The following TULP4 variants were observed in gnomAD, a reference collection of about 807,000 sequenced individuals.
TULP4 encodes tubby-related protein 4.
A neutral mutation model predicts 129.0 loss-of-function variants in TULP4; 16 were observed. The observed-to-expected ratio is 0.12, with a 90% confidence interval of 0.08 to 0.19. TULP4 has a LOEUF of 0.19. Among genes scored for constraint, TULP4 ranks in the 10% least tolerant of loss-of-function variants. The probability of loss-of-function intolerance (pLI) is 1.00; values close to 1 mark genes in which losing one functional copy is unlikely to be tolerated. For synonymous variants in TULP4, 998 were observed against 854.0 expected, an observed-to-expected ratio of 1.17 and a Z score of -2.94; for missense variants, 1,842 against 2,059.1, an observed-to-expected ratio of 0.89 and a Z score of 2.04.
At chr6:158,258,057 G>T (rs1778279771) in intron 1 of TULP4, among the ~76,000 whole-genome samples, 1 of 152,172 alleles carries the variant, frequency 6.6e-6, no homozygotes, top group African/African-American at 2.4e-5. Context: ...TTTCTATCTT[G>T]CCTCTTTCAA....
upstream of TULP4, chr6:158,312,380 A>G (rs1779375956): frequency 2.3e-5 from 8 of 352,522 alleles, no homozygotes; most frequent in Non-Finnish European, 4.0e-5. Flanking sequence ...AGAAAAAAAA[A>G]TTTGCGCAGA....
intron 10 of TULP4, among the ~76,000 whole-genome samples, 200 bp from the exon 11 acceptor site, chr6:158,494,553 T>TG (rs1247514843): frequency 6.6e-6 from 1 of 152,116 alleles, no homozygotes; most frequent in Non-Finnish European, 1.5e-5. Flanking sequence ...CCCAGCTCGA[T>TG]GCGCCCCCAC....
At chr6:158,321,594 C>A (rs1318644382) in intron 1 of TULP4, among the ~76,000 whole-genome samples, 1 of 152,140 alleles carries the variant, frequency 6.6e-6, no homozygotes, top group Non-Finnish European at 1.5e-5. Context: ...GTAGATGGCC[C>A]AAGACCAGCC....
intron 1 of TULP4, among the ~76,000 whole-genome samples, chr6:158,338,211 T>A (rs948729079): frequency 6.6e-6 from 1 of 152,142 alleles, no homozygotes; most frequent in African/African-American, 2.4e-5. Flanking sequence ...TGATCATAGC[T>A]CACTCCAGCC....
At chr6:158,281,711 T>C (rs1200987243), upstream of TULP4, among the ~76,000 whole-genome samples, 1 of 152,222 alleles carries the variant, frequency 6.6e-6, no homozygotes, top group Non-Finnish European at 1.5e-5. Flanking sequence ...CACATTAACC[T>C]AGCCCTTAAA....
Position 158,312,490 on chromosome 6 carries a change from T to C in TULP4, c.-1527T>C, listed in dbSNP as rs1779379375. ...AAACATTGCAGCGGCTCACACAGTG[T>C]TTGTTGCACTTTATTTTTCAGTGGG... On this transcript the variant is annotated 5_prime_UTR_variant, in exon 1 of 14. Coordinates refer to ENST00000367097, the MANE Select transcript of TULP4 (RefSeq NM_020245.5). 5.6e-6 allele frequency: 1 copy of C among 177,562 alleles called. No homozygotes were observed. The highest frequency in any genetic ancestry group is 2.4e-5 in the African/African-American group (1 of 42,536). 11.0% of individuals were successfully genotyped at this position (177,562 alleles called of 1,614,324 possible). A position where few individuals can be genotyped will look rare whatever the true frequency, so the allele number is the denominator to read the frequency against.
At chr6:158,495,849 A>G (rs540195658) in intron 11 of TULP4, among the ~76,000 whole-genome samples, 1 of 152,220 alleles carries the variant, frequency 6.6e-6, no homozygotes, top group African/African-American at 2.4e-5. Context: ...TCAAGAAAAA[A>G]AAAAAAAGAT....
Position 158,486,929 on chromosome 6 carries a change from G to A in TULP4, c.1487-2659G>A, listed in dbSNP as rs537080014. Among the ~76,000 whole-genome samples the A allele has an allele frequency of 1.8e-4, 28 of 152,132 alleles. No individual in the cohort carries two copies. In the South Asian group the frequency reaches 5.2e-3, roughly 28 times the overall value. Reference sequence around the variant, plus strand: ...AGTTCAAGACCAGCCTGGGCAACACGGTGAAACCCTGTCTCTACTAAAATA... The same window carrying A: ...AGTTCAAGACCAGCCTGGGCAACACAGTGAAACCCTGTCTCTACTAAAATA... On this transcript the variant is annotated intron_variant, in intron 8 of 13. Coordinates refer to ENST00000367097, the MANE Select transcript of TULP4 (RefSeq NM_020245.5).
At chr6:158,343,555 C>T (rs1467821537) in intron 1 of TULP4, among the ~76,000 whole-genome samples, 2 of 152,118 alleles carry the variant, frequency 1.3e-5, no homozygotes, top group Non-Finnish European at 2.9e-5. Flanking sequence ...AGCTCGCACC[C>T]TCTTTCCCTC....
chr6:158,363,789 G>GT lies in TULP4; in HGVS notation c.253-49266dup, dbSNP rs145945418. Among the ~76,000 whole-genome samples, 668 of 149,102 alleles carry GT rather than the reference G, an allele frequency of 4.5e-3. 4 individuals are homozygous for GT. Among genetic ancestry groups the GT allele is most frequent in the Non-Finnish European group, 6.6e-3 (439 of 67,006 alleles). ...CGTGAGCCACCGCGCAAGGCCGCGT[G>GT]TTTTTTTTTTCTTTTAATTAAGTGT... On this transcript the variant is annotated intron_variant, in intron 1 of 13. Coordinates refer to ENST00000367097, the MANE Select transcript of TULP4 (RefSeq NM_020245.5).
chr6:158,462,110 A>G (rs549531113), intron 6 of TULP4, among the ~76,000 whole-genome samples: 2 of 152,308 alleles, frequency 1.3e-5, no homozygotes, highest in East Asian at 3.9e-4. Flanking sequence ...CAAGAGAAAA[A>G]CAAACAGAAG....
Position 158,333,708 on chromosome 6 carries a change from A to C in TULP4, c.252+19440A>C, listed in dbSNP as rs370823775. ...AATTCACAGATGAGCTGCATAGCCT[A>C]GAAATATTGAAAAAATTAAGAAAAC... On this transcript the variant is annotated intron_variant, in intron 1 of 13. Transcript: ENST00000367097. 6.0e-4 allele frequency among the ~76,000 whole-genome samples: 91 copies of C among 152,354 alleles called. 1 individual carries two copies. Among genetic ancestry groups the C allele is most frequent in the African/African-American group, 1.9e-3 (80 of 41,592 alleles).
chr6:158,254,517 G>A (rs780624002), intron 1 of TULP4, among the ~76,000 whole-genome samples: 2 of 152,184 alleles, frequency 1.3e-5, no homozygotes, highest in Non-Finnish European at 2.9e-5. Context: ...AAGAGTGTTG[G>A]CCTTTTCTCC....
intron 1 of TULP4, among the ~76,000 whole-genome samples, chr6:158,294,474 A>T (rs1282270484): frequency 5.3e-5 from 8 of 152,192 alleles, no homozygotes; most frequent in Admixed American, 5.2e-4. Context: ...AGGGCAACGA[A>T]GGGAGGCCTG....
intron 1 of TULP4, among the ~76,000 whole-genome samples, chr6:158,276,983 A>G (rs540924025): frequency 1.3e-5 from 2 of 151,778 alleles, no homozygotes; most frequent in South Asian, 2.1e-4. Flanking sequence ...CCCGTTTCAC[A>G]GGCTTAAGTG....
intron 2 of TULP4, among the ~76,000 whole-genome samples, chr6:158,417,253 C>T (rs1486241020): frequency 6.6e-6 from 1 of 152,156 alleles, no homozygotes; most frequent in East Asian, 1.9e-4. Context: ...TGTGCAGTCA[C>T]CACCATCCAA....
rs748488700 is a variant in TULP4, at chr6:158,429,894, A to C, written c.540A>C (p.Gln180His). 1 of 1,613,832 alleles carries C rather than the reference A, an allele frequency of 6.2e-7. No homozygotes were observed. The highest frequency in any genetic ancestry group is 1.1e-5 in the South Asian group (1 of 91,016). The stretch of plus-strand genomic sequence containing the variant: ...GTGGCATATGGACTCCTGACGACCA[A>C]CAGGTAACACTTCTGAAATGTGGTG... ...ITCGIWTPDDQQVLFGTADGQ... is the reference protein window; with the variant it reads ...ITCGIWTPDDHQVLFGTADGQ... The change falls in exon 3 of 14, where the codon CAA (glutamine) becomes CAC (histidine). Residue 180 changes from glutamine to histidine, a missense_variant. By Grantham distance (24) the Gln-to-His change is conservative. Around this residue, in one of 5 missense-constraint regions of TULP4, gnomAD observed 151 missense variants for 268.7 expected, o/e 0.56. Transcript: ENST00000367097.
upstream of TULP4, among the ~76,000 whole-genome samples, chr6:158,307,769 A>G (rs774963271): frequency 1.3e-5 from 2 of 152,078 alleles, no homozygotes; most frequent in African/African-American, 4.8e-5. Flanking sequence ...TGGATCTTTT[A>G]CTCAAGTATA....
intron 6 of TULP4, among the ~76,000 whole-genome samples, chr6:158,465,290 A>G (rs1779529309): frequency 6.6e-6 from 1 of 152,232 alleles, no homozygotes; most frequent in Non-Finnish European, 1.5e-5. Flanking sequence ...TTCACTTAGC[A>G]TAATGTCCTT....
Sources: gnomAD v4.1 joint callset for allele counts (sites outside exome capture counted in the v4.1 genomes callset) on GRCh38, gnomAD v4.1.1 for gene constraint, gnomAD v4.1.1 regional missense constraint, MANE v1.5 for transcripts, NCBI Gene and HGNC (gene_info 2026-07-23, HGNC 2026-07-21) for gene names.